Variants in TMEM117 observed in about 807,000 individuals in gnomAD.
TMEM117 encodes the protein transmembrane protein 117.
Under a neutral mutation model 52.4 loss-of-function variants are expected in TMEM117, and 27 were observed. That is an observed-to-expected ratio of 0.51 (90% confidence interval 0.38 to 0.71). The LOEUF (loss-of-function observed/expected upper bound fraction) is 0.71, where lower values mean the gene tolerates loss of function less well. TMEM117 is among the 30% of genes least tolerant of loss of function. The probability of loss-of-function intolerance (pLI) is 0.00; values close to 1 mark genes in which losing one functional copy is unlikely to be tolerated. For synonymous variants in TMEM117, 215 were observed against 206.3 expected (o/e 1.04, Z -0.36); for missense variants, 556 against 630.5 (o/e 0.88, Z 1.26).
intron 6 of TMEM117, among the ~76,000 whole-genome samples, chr12:44,303,410 T>G (rs1950866795): frequency 6.6e-6 from 1 of 152,184 alleles, no homozygotes; most frequent in Non-Finnish European, 1.5e-5. Flanking sequence ...GTAAAGTTCT[T>G]TTTATTATTT....
At chr12:43,994,569 T>G (rs1187293142) in intron 3 of TMEM117, among the ~76,000 whole-genome samples, 1 of 152,144 alleles carries the variant, frequency 6.6e-6, no homozygotes, top group Non-Finnish European at 1.5e-5. Context: ...AAAACAGTAG[T>G]AAAATCCAGG....
intron 6 of TMEM117, among the ~76,000 whole-genome samples, chr12:44,358,632 C>A (rs1473324028): frequency 1.3e-5 from 2 of 151,996 alleles, no homozygotes; most frequent in Non-Finnish European, 2.9e-5. Context: ...CAGTTGGAAC[C>A]AAGCCAGGGA....
chr12:44,207,884 A>C (rs879509844), intron 4 of TMEM117, among the ~76,000 whole-genome samples: 17 of 151,950 alleles, frequency 1.1e-4, no homozygotes, highest in Admixed American at 1.1e-3. Context: ...ACATAATGGT[A>C]TAGATGTGTG....
intron 2 of TMEM117, among the ~76,000 whole-genome samples, chr12:43,926,163 A>G (rs1056608159): frequency 6.6e-6 from 1 of 152,238 alleles, no homozygotes. Flanking sequence ...TTGTACTTTA[A>G]TAGAATAATT....
intron 5 of TMEM117, among the ~76,000 whole-genome samples, chr12:44,241,456 T>C (rs1382935116): frequency 1.3e-5 from 2 of 151,984 alleles, no homozygotes; most frequent in Admixed American, 6.6e-5. Flanking sequence ...TTGATAATTT[T>C]CTTATTATTT....
intron 3 of TMEM117, among the ~76,000 whole-genome samples, chr12:44,000,027 T>A (rs955785608): frequency 6.6e-6 from 1 of 152,232 alleles, no homozygotes; most frequent in Non-Finnish European, 1.5e-5. Context: ...AATGATCAGC[T>A]GACTAATTGA....
chr12:43,891,961 T>A (rs1334397959), intron 2 of TMEM117, among the ~76,000 whole-genome samples: 1 of 152,144 alleles, frequency 6.6e-6, no homozygotes, highest in Non-Finnish European at 1.5e-5. Flanking sequence ...TCAATATCTC[T>A]CTCTTGGACC....
chr12:43,917,290 A>G (rs1944622151), intron 2 of TMEM117, among the ~76,000 whole-genome samples: 1 of 151,926 alleles, frequency 6.6e-6, no homozygotes, highest in Non-Finnish European at 1.5e-5. Flanking sequence ...AGTCCTAGCT[A>G]TTCAAGAGGC....
chr12:43,813,131 C>A, the TMEM117 span, among the ~76,000 whole-genome samples: 16 of 151,700 alleles, frequency 1.1e-4, no homozygotes, highest in Non-Finnish European at 2.1e-4. Flanking sequence ...TCACTGACTC[C>A]ATGGGTCCAT....
chr12:44,250,945 G>A (rs1254055485), intron 5 of TMEM117, among the ~76,000 whole-genome samples: 2 of 152,098 alleles, frequency 1.3e-5, no homozygotes, highest in East Asian at 3.9e-4. Flanking sequence ...CATGGCACAT[G>A]TATACCTATG....
At chr12:43,996,642 CAATA>C (rs71091192) in intron 3 of TMEM117, among the ~76,000 whole-genome samples, 27 of 145,310 alleles carry the variant, frequency 1.9e-4, no homozygotes, top group East Asian at 1.7e-3. Context: ...GACTCCATCT[CAATA>C]AATAAATAAA....
At chr12:43,946,390 T>G (rs199578207) in intron 3 of TMEM117, among the ~76,000 whole-genome samples, 3 of 24,740 alleles carry the variant, frequency 1.2e-4, no homozygotes, top group African/African-American at 2.0e-4. Flanking sequence ...TTTTTTTTTT[T>G]TTTTGTTTGT....
downstream of TMEM117, among the ~76,000 whole-genome samples, chr12:44,392,157 T>C (rs557394401): frequency 3.9e-5 from 6 of 152,228 alleles, 1 homozygote; most frequent in African/African-American, 1.2e-4. Context: ...CCTAGAACTG[T>C]CTTATTTGAA....
chr12:43,866,422 A>C (rs1943600397), intron 2 of TMEM117, among the ~76,000 whole-genome samples: 1 of 151,512 alleles, frequency 6.6e-6, no homozygotes, highest in East Asian at 1.9e-4. Context: ...AAAAAAAAAA[A>C]AAAAAAGTTA....
chr12:43,884,499 TC>T (rs1943956352), intron 2 of TMEM117, among the ~76,000 whole-genome samples: 1 of 152,336 alleles, frequency 6.6e-6, no homozygotes, highest in Admixed American at 6.5e-5. Context: ...TTTCATGGCC[TC>T]CAGTAAAGGC....
chr12:43,924,718 C>G (rs1395745124), intron 2 of TMEM117, among the ~76,000 whole-genome samples: 1 of 152,128 alleles, frequency 6.6e-6, no homozygotes, highest in African/African-American at 2.4e-5. Flanking sequence ...GCTTCAAGTT[C>G]TCAAGTGGCT....
chr12:44,198,416 G>T (rs1949449479), intron 4 of TMEM117, among the ~76,000 whole-genome samples: 1 of 152,190 alleles, frequency 6.6e-6, no homozygotes, highest in Non-Finnish European at 1.5e-5. Context: ...CACAGAGGAT[G>T]CTTGTATTGC....
the TMEM117 span, among the ~76,000 whole-genome samples, chr12:43,803,462 T>C: frequency 6.6e-6 from 1 of 152,104 alleles, no homozygotes; most frequent in African/African-American, 2.4e-5. Context: ...AAAGGGGAGA[T>C]ATAGGTATTT....
At chr12:44,310,735 T>C (rs868057425) in intron 6 of TMEM117, among the ~76,000 whole-genome samples, 8 of 152,214 alleles carry the variant, frequency 5.3e-5, no homozygotes, top group African/African-American at 1.2e-4. Flanking sequence ...AAGTGGGTAA[T>C]GGTGCCTGGG....
Sources: allele counts gnomAD v4.1 joint callset (sites outside exome capture counted in the v4.1 genomes callset), GRCh38; gene constraint gnomAD v4.1.1; transcripts MANE v1.5; gene names NCBI Gene and HGNC (gene_info 2026-07-23, HGNC 2026-07-21).